The following PRKCB variants were observed in gnomAD, a reference collection of about 807,000 sequenced individuals.
PRKCB encodes the protein protein kinase C beta type.
A neutral mutation model predicts 81.5 loss-of-function variants in PRKCB; 13 were observed. That is an observed-to-expected ratio of 0.16 (90% confidence interval 0.10 to 0.25). PRKCB has a LOEUF of 0.25. Ranked by LOEUF, PRKCB falls within the 10% of genes least tolerant of loss-of-function variation. The pLI, the probability that PRKCB is intolerant of heterozygous loss-of-function variation, is 1.00. For synonymous variants in PRKCB, 335 were observed against 321.4 expected, an observed-to-expected ratio of 1.04 and a Z score of -0.45; for missense variants, 509 against 875.7, an observed-to-expected ratio of 0.58 and a Z score of 5.29.
chr16:24,145,437 T>C (rs1256179178), intron 9 of PRKCB, among the ~76,000 whole-genome samples: 1 of 151,502 alleles, frequency 6.6e-6, no homozygotes, highest in African/African-American at 2.4e-5. Context: ...AAAAAGAGAA[T>C]AGAATGTTTA....
At chr16:24,137,960 G>T (rs1966870767) in intron 9 of PRKCB, among the ~76,000 whole-genome samples, 1 of 152,134 alleles carries the variant, frequency 6.6e-6, no homozygotes, top group Non-Finnish European at 1.5e-5. Context: ...AACATTTTTG[G>T]AGCACTGGGA....
chr16:24,209,516 C>T (rs1968105101), intron 16 of PRKCB, among the ~76,000 whole-genome samples: 1 of 152,164 alleles, frequency 6.6e-6, no homozygotes, highest in Admixed American at 6.5e-5. Flanking sequence ...GGATCTCCTC[C>T]TCGTGTTCCT....
At chr16:23,871,363 G>A (rs1165823582) in intron 2 of PRKCB, among the ~76,000 whole-genome samples, 7 of 152,130 alleles carry the variant, frequency 4.6e-5, no homozygotes, top group Non-Finnish European at 8.8e-5. Flanking sequence ...AGCAGAGACC[G>A]TGGAATGAAT....
chr16:24,075,370 T>C (rs1485895485), intron 5 of PRKCB, among the ~76,000 whole-genome samples: 1 of 152,128 alleles, frequency 6.6e-6, no homozygotes, highest in Non-Finnish European at 1.5e-5. Flanking sequence ...GGTTTAATTG[T>C]AGGGAAGAGA....
intron 10 of PRKCB, among the ~76,000 whole-genome samples, chr16:24,170,312 T>C (rs1204632749): frequency 2.0e-5 from 3 of 151,858 alleles, no homozygotes; most frequent in South Asian, 2.1e-4. Context: ...AATTAACAAA[T>C]TATGATGTGG....
At chr16:24,162,002 G>T (rs1294174931) in intron 10 of PRKCB, among the ~76,000 whole-genome samples, 1 of 151,350 alleles carries the variant, frequency 6.6e-6, no homozygotes, top group Non-Finnish European at 1.5e-5. Context: ...TATTTTAACT[G>T]TTTTCTTTTC....
At chr16:23,947,904 T>A (rs62965860) in intron 2 of PRKCB, among the ~76,000 whole-genome samples, 3 of 125,840 alleles carry the variant, frequency 2.4e-5, no homozygotes, top group Non-Finnish European at 3.4e-5. Flanking sequence ...TTTTTTTTTT[T>A]AATATTTGTG....
rs184715792 is a variant in PRKCB, at chr16:24,077,326, G to A, written c.530-15465G>A. Among the ~76,000 whole-genome samples, 6 of 152,150 alleles carry A rather than the reference G, an allele frequency of 3.9e-5. No individual in the cohort carries two copies. The East Asian group carries it at 1.2e-3, about 29-fold the overall frequency. ...TGGAAAGGATGCCAGTTTCCTTCCA[G>A]CTAGTTAAGACCCATTACTTTACTC... On this transcript the variant is annotated intron_variant, in intron 5 of 16. Coordinates refer to ENST00000643927, the MANE Select transcript of PRKCB (RefSeq NM_002738.7).
At chr16:23,873,423 G>A (rs28541528) in intron 2 of PRKCB, among the ~76,000 whole-genome samples, 7,165 of 152,070 alleles carry the variant, frequency 0.047, 534 homozygotes, top group African/African-American at 0.16. Context: ...GACTTATCGG[G>A]AATGCAGGCA....
intron 16 of PRKCB, among the ~76,000 whole-genome samples, chr16:24,196,377 C>A (rs62028463): frequency 6.6e-6 from 1 of 152,138 alleles, no homozygotes; most frequent in East Asian, 1.9e-4. Flanking sequence ...AAGTTACTAC[C>A]CTATTTATAA....
rs1966616588 is a variant in PRKCB, at chr16:24,108,819, C to A, written c.822-4154C>A. Among the ~76,000 whole-genome samples the A allele has an allele frequency of 2.0e-5, 3 of 152,140 alleles. No individual in the cohort carries two copies. In the South Asian group the frequency reaches 6.2e-4, roughly 32 times the overall value. On this transcript the variant is annotated intron_variant, in intron 7 of 16. Transcript: ENST00000643927. ...TCCCCACCTTTCCTGCCTTTCTATT[C>A]CACAAAGCCGCCATTGTCATCCTGG...
At chr16:24,172,897 G>C (rs1355909523) in intron 11 of PRKCB, among the ~76,000 whole-genome samples, 10 of 152,070 alleles carry the variant, frequency 6.6e-5, no homozygotes, top group Non-Finnish European at 1.5e-4. Flanking sequence ...TATAAGCCAG[G>C]CCCTAAGTGC....
intron 3 of PRKCB, among the ~76,000 whole-genome samples, chr16:24,029,767 G>A (rs980806472): frequency 6.6e-6 from 1 of 152,180 alleles, no homozygotes; most frequent in Non-Finnish European, 1.5e-5. Flanking sequence ...ATCTGTGGCA[G>A]CATCAATAAA....
chr16:24,076,673 C>A (rs74013120), intron 5 of PRKCB, among the ~76,000 whole-genome samples: 1 of 152,150 alleles, frequency 6.6e-6, no homozygotes, highest in African/African-American at 2.4e-5. Context: ...AACGTATTAC[C>A]TTGCTACAAG....
intron 2 of PRKCB, among the ~76,000 whole-genome samples, chr16:23,908,810 G>A (rs570382667): frequency 1.9e-4 from 29 of 152,140 alleles, no homozygotes; most frequent in East Asian, 3.9e-4. Context: ...GAGCCACCGC[G>A]CCCAGCCTGG....
At chr16:23,931,033 C>G (rs1179690543) in intron 2 of PRKCB, among the ~76,000 whole-genome samples, 2 of 152,206 alleles carry the variant, frequency 1.3e-5, no homozygotes, top group Non-Finnish European at 1.5e-5. Flanking sequence ...TGGGCTTATC[C>G]CCTGGAGCAC....
chr16:24,065,496 A>G (rs1966022375), intron 5 of PRKCB, among the ~76,000 whole-genome samples: 1 of 152,166 alleles, frequency 6.6e-6, no homozygotes, highest in Non-Finnish European at 1.5e-5. Flanking sequence ...TGTTTACCCC[A>G]TCCTACCATA....
rs151204604 is a variant in PRKCB at position 24,158,430 on chromosome 16, C to A, written c.1239+3573C>A. Among the ~76,000 whole-genome samples the A allele has an allele frequency of 4.6e-5, 7 of 151,992 alleles. No individual in the cohort carries two copies. The South Asian group carries it at 1.5e-3, about 32-fold the overall frequency. ...TGTAGACCAGGGGACTGAGGCCACA[C>A]AGCTAGTACATTTCAGGGCCAGGAT... On this transcript the variant is annotated intron_variant, in intron 10 of 16. Coordinates refer to ENST00000643927, the MANE Select transcript of PRKCB (RefSeq NM_002738.7).
intron 8 of PRKCB, among the ~76,000 whole-genome samples, chr16:24,120,613 G>A (rs903803867): frequency 2.0e-5 from 3 of 152,126 alleles, no homozygotes; most frequent in Non-Finnish European, 2.9e-5. Context: ...AACAGAGGCT[G>A]GGGAGCTGTC....
Sources: gnomAD v4.1 joint callset for allele counts (sites outside exome capture counted in the v4.1 genomes callset) on GRCh38, gnomAD v4.1.1 for gene constraint, MANE v1.5 for transcripts, NCBI Gene and HGNC (gene_info 2026-07-23, HGNC 2026-07-21) for gene names.